Variants in TTC28 observed in about 807,000 individuals in gnomAD.
The protein encoded by TTC28 is tetratricopeptide repeat domain 28.
In TTC28, 61 loss-of-function variants were observed where a neutral mutation model predicts 198.0. The observed-to-expected ratio is 0.31, with a 90% CI of 0.25 to 0.38. TTC28 has a LOEUF of 0.38. Among genes scored for constraint, TTC28 ranks in the 10% least tolerant of loss-of-function variants. TTC28 has a pLI of 1.00. For missense variants in TTC28, 2,678 were observed against 3,164.0 expected (o/e 0.85, Z 3.69); for synonymous variants, 1,171 against 1,297.8 (o/e 0.90, Z 2.10).
At chr22:28,068,023 A>T (rs1254095829) in intron 12 of TTC28, among the ~76,000 whole-genome samples, 3 of 152,220 alleles carry the variant, frequency 2.0e-5, no homozygotes, top group African/African-American at 7.2e-5. Context: ...GCAGCAAATA[A>T]TTCAGAACTT....
chr22:27,984,976 C>T (rs563820523), intron 22 of TTC28, among the ~76,000 whole-genome samples: 91 of 152,300 alleles, frequency 6.0e-4, no homozygotes, highest in African/African-American at 2.0e-3. Context: ...GCACACCTGT[C>T]GCCGCGTTCC....
chr22:28,578,678 A>G (rs1351471319), intron 2 of TTC28, among the ~76,000 whole-genome samples: 4 of 152,164 alleles, frequency 2.6e-5, no homozygotes, highest in African/African-American at 9.7e-5. Flanking sequence ...TGAATTGCCT[A>G]CACCACCCTT....
intron 1 of TTC28, among the ~76,000 whole-genome samples, chr22:28,676,570 C>G (rs2051993012): frequency 6.6e-6 from 1 of 152,110 alleles, no homozygotes; most frequent in Non-Finnish European, 1.5e-5. Context: ...AAAGACATAT[C>G]TGTATAAGCT....
intron 2 of TTC28, among the ~76,000 whole-genome samples, chr22:28,556,418 C>T (rs905097341): frequency 2.6e-5 from 4 of 152,162 alleles, no homozygotes; most frequent in Non-Finnish European, 5.9e-5. Context: ...ATATATAACA[C>T]TAGGCCAACT....
intron 2 of TTC28, among the ~76,000 whole-genome samples, chr22:28,438,421 G>C (rs1022593696): frequency 2.0e-5 from 3 of 152,120 alleles, no homozygotes; most frequent in Admixed American, 1.3e-4. Flanking sequence ...CTCCATCAGA[G>C]AAATCATTTG....
chr22:28,549,466 A>G (rs2049615525), intron 2 of TTC28, among the ~76,000 whole-genome samples: 1 of 152,170 alleles, frequency 6.6e-6, no homozygotes, highest in African/African-American at 2.4e-5. Context: ...TACTCATTCA[A>G]CTAACCTTTA....
At chr22:28,156,704 C>T (rs1907105916) in intron 6 of TTC28, among the ~76,000 whole-genome samples, 1 of 152,130 alleles carries the variant, frequency 6.6e-6, no homozygotes, top group Non-Finnish European at 1.5e-5. Context: ...GAAAGTGATG[C>T]TCAGGCAGGA....
chr22:28,376,146 C>T (rs540004669), intron 2 of TTC28, among the ~76,000 whole-genome samples: 10 of 152,296 alleles, frequency 6.6e-5, no homozygotes, highest in South Asian at 6.2e-4. Context: ...ACCTACCTAC[C>T]TATCTACCTT....
At position 28,641,322 on chromosome 22, in the gene TTC28, C is replaced by CA. The variant is rs58686330; in HGVS notation, c.103-11493dup. On this transcript the variant is annotated intron_variant, in intron 1 of 22. Coordinates refer to ENST00000397906, the MANE Select transcript of TTC28 (RefSeq NM_001145418.2). ...CTGGCGACAGAGCAAGACTCCGTCT[C>CA]AAAAAAAAAAAATAAAGAAATGAAT... 6.0e-3 allele frequency among the ~76,000 whole-genome samples: 800 copies of CA among 133,002 alleles called. 32 individuals are homozygous for CA. In the East Asian group the frequency reaches 0.097, roughly 16 times the overall value. 87.3% of individuals were successfully genotyped at this position (133,002 alleles called of 152,430 possible).
chr22:28,360,915 G>A (rs148131012), intron 2 of TTC28, among the ~76,000 whole-genome samples: 20 of 152,130 alleles, frequency 1.3e-4, no homozygotes, highest in African/African-American at 4.6e-4. Context: ...GGTGAACTAC[G>A]ATCAGTGATC....
In TTC28 at chr22:28,163,136, T is replaced by A. The variant is rs749210775; in HGVS notation, c.1397A>T (p.Asp466Val). Reference protein sequence around the residue: ...YHEQQLGIAEDLKDRAAEGRA... With the variant: ...YHEQQLGIAEVLKDRAAEGRA... Reference sequence around the variant, plus strand: ...CCCCTCTGCAGCCCGGTCCTTGAGATCCTCAGCAATGCCCAGCTGCTGCTC... The same window carrying A: ...CCCCTCTGCAGCCCGGTCCTTGAGAACCTCAGCAATGCCCAGCTGCTGCTC... The change falls in exon 6 of 23, where the codon GAT becomes GTT. Residue 466 changes from aspartate (D) to valine (V), a missense_variant. By Grantham distance (152) the Asp-to-Val change is radical. Around this residue, in one of 8 missense-constraint regions of TTC28, gnomAD observed 775 missense variants for 845.9 expected, o/e 0.92. Coordinates refer to ENST00000397906, the MANE Select transcript of TTC28 (RefSeq NM_001145418.2). The A allele has an allele frequency of 3.9e-6, 6 of 1,551,598 alleles. No individual in the cohort carries two copies. Among genetic ancestry groups the A allele is most frequent in the South Asian group, 3.6e-5 (3 of 84,048 alleles).
At chr22:28,328,505 G>A (rs1369585732) in intron 2 of TTC28, among the ~76,000 whole-genome samples, 3 of 151,940 alleles carry the variant, frequency 2.0e-5, no homozygotes, top group African/African-American at 4.8e-5. Context: ...TGTAATCCTA[G>A]CACTCTGGGA....
At chr22:28,174,526 C>G (rs1922973708) in intron 5 of TTC28, among the ~76,000 whole-genome samples, 1 of 152,156 alleles carries the variant, frequency 6.6e-6, no homozygotes, top group Non-Finnish European at 1.5e-5. Flanking sequence ...ATTCATACTG[C>G]TCTTCTGCAA....
chr22:28,234,031 C>T (rs1204704616), intron 5 of TTC28, among the ~76,000 whole-genome samples: 3 of 151,062 alleles, frequency 2.0e-5, no homozygotes, highest in Admixed American at 6.6e-5. Context: ...CTCAGCCTCC[C>T]GAGTAGCTGG....
intron 5 of TTC28, among the ~76,000 whole-genome samples, chr22:28,278,915 A>G (rs1326921511): frequency 6.6e-6 from 1 of 152,164 alleles, no homozygotes; most frequent in Non-Finnish European, 1.5e-5. Context: ...CAGGAAAGAG[A>G]TGGGAATTGT....
Position 27,982,295 on chromosome 22 carries a change from GGC to G in TTC28, c.7370_7371del (p.Arg2457ProfsTer123). On this transcript the variant is annotated frameshift_variant, in exon 23 of 23. Transcript: ENST00000397906. LOFTEE classifies it high-confidence loss of function. The surrounding 1 kb of genome is among the most constrained non-coding windows in gnomAD (Gnocchi z 5.2). ...CCATTTCCAGAAGGAAGCCTCAAAG[GGC>G]GCGCGGGGGCTGTGGCGGGAGGGCC... ...PAGPPATAPARPLRLPSGNGY... is the reference protein window; with the variant it reads ...PAGPPATAPAXPLRLPSGNGY... 6.7e-7 allele frequency: 1 copy of G among 1,502,670 alleles called. No individual in the cohort carries two copies. Among genetic ancestry groups the G allele is most frequent in the Non-Finnish European group, 8.9e-7 (1 of 1,124,520 alleles). 93.1% of individuals were successfully genotyped at this position (1,502,670 alleles called of 1,614,324 possible).
intron 2 of TTC28, among the ~76,000 whole-genome samples, chr22:28,599,361 C>T (rs2050600357): frequency 6.6e-6 from 1 of 152,096 alleles, no homozygotes; most frequent in African/African-American, 2.4e-5. Context: ...CTTTTTAATC[C>T]CTCCCCCATC....
At chr22:28,510,768 G>A (rs1307358978) in intron 2 of TTC28, among the ~76,000 whole-genome samples, 1 of 152,096 alleles carries the variant, frequency 6.6e-6, no homozygotes, top group Non-Finnish European at 1.5e-5. Context: ...CACTGTCTCA[G>A]CCCAAAAGCT....
At chr22:28,126,754 A>G (rs1222928299) in intron 6 of TTC28, among the ~76,000 whole-genome samples, 1 of 152,232 alleles carries the variant, frequency 6.6e-6, no homozygotes, top group Non-Finnish European at 1.5e-5. Context: ...TCAAGTGAGT[A>G]TGAAACACTG....
Sources: allele counts gnomAD v4.1 joint callset (sites outside exome capture counted in the v4.1 genomes callset), GRCh38; gene constraint gnomAD v4.1.1; regional missense constraint gnomAD v4.1.1; non-coding constraint Gnocchi (gnomAD v3.1); transcripts MANE v1.5; gene names NCBI Gene and HGNC (gene_info 2026-07-23, HGNC 2026-07-21).